The following CFAP299 variants were observed in gnomAD, a reference collection of about 807,000 sequenced individuals.
The protein encoded by CFAP299 is cilia- and flagella-associated protein 299.
In CFAP299, 21 loss-of-function variants were observed where a neutral mutation model predicts 27.0. That is an observed-to-expected ratio of 0.78 (90% confidence interval 0.55 to 1.12). The LOEUF (loss-of-function observed/expected upper bound fraction) is 1.12, where lower values mean the gene tolerates loss of function less well. Ranked by LOEUF, CFAP299 falls within the 50% of genes most tolerant of loss-of-function variation. The pLI is 0.00. For missense variants in CFAP299, 310 were observed against 276.6 expected (o/e 1.12, Z -0.86); for synonymous variants, 104 against 98.1 (o/e 1.06, Z -0.36).
chr4:80,668,311 A>G (rs1488764517), intron 3 of CFAP299, among the ~76,000 whole-genome samples: 2 of 152,046 alleles, frequency 1.3e-5, no homozygotes, highest in African/African-American at 4.8e-5. Context: ...TTAGTTTGAT[A>G]TAATCCTGTT....
In CFAP299 at chr4:80,771,089, C is replaced by T. The variant is rs187157507; in HGVS notation, c.334-98904C>T. ...CAAGGGGAGGGTTATCCTAGGCATG[C>T]GTAACAGGGAGTGGGAGTCATGCGG... On this transcript the variant is annotated intron_variant, in intron 3 of 5. Coordinates refer to ENST00000358105, the MANE Select transcript of CFAP299 (RefSeq NM_152770.3). Among the ~76,000 whole-genome samples, 586 of 152,212 alleles carry T rather than the reference C, an allele frequency of 3.8e-3. 1 individual carries two copies. Among genetic ancestry groups the T allele is most frequent in the African/African-American group, 0.013 (545 of 41,526 alleles).
intron 5 of CFAP299, among the ~76,000 whole-genome samples, chr4:80,957,287 G>A (rs566774695): frequency 5.9e-5 from 9 of 152,264 alleles, no homozygotes; most frequent in African/African-American, 2.2e-4. Flanking sequence ...TCCTTACAGT[G>A]CCATGAATTT....
At chr4:80,438,454 T>G (rs779190562) in intron 2 of CFAP299, among the ~76,000 whole-genome samples, 1 of 152,212 alleles carries the variant, frequency 6.6e-6, no homozygotes, top group Non-Finnish European at 1.5e-5. Flanking sequence ...TCTACCAACA[T>G]GTATGTGCTT....
intron 2 of CFAP299, among the ~76,000 whole-genome samples, chr4:80,366,617 T>C (rs1723848039): frequency 2.6e-5 from 4 of 152,200 alleles, no homozygotes; most frequent in South Asian, 2.1e-4. Flanking sequence ...AGGCATTACA[T>C]TGTTGGTGGG....
chr4:80,798,259 CA>C (rs769459591), intron 3 of CFAP299, among the ~76,000 whole-genome samples: 1 of 152,052 alleles, frequency 6.6e-6, no homozygotes, highest in African/African-American at 2.4e-5. Flanking sequence ...GCAACTCCCT[CA>C]GGGGAGGCCA....
At chr4:80,693,699 TA>T (rs879548224) in intron 3 of CFAP299, among the ~76,000 whole-genome samples, 190 of 142,982 alleles carry the variant, frequency 1.3e-3, no homozygotes, top group Middle Eastern at 7.1e-3. Context: ...AATAATAATT[TA>T]AAAAAAAAAA....
At chr4:80,323,704 A>G in the CFAP299 span, among the ~76,000 whole-genome samples, 1 of 152,224 alleles carries the variant, frequency 6.6e-6, no homozygotes, top group Admixed American at 6.5e-5. Context: ...AATATTTTAT[A>G]AACATAAAAT....
intron 2 of CFAP299, among the ~76,000 whole-genome samples, chr4:80,402,910 G>A (rs1726234717): frequency 6.6e-6 from 1 of 152,156 alleles, no homozygotes; most frequent in African/African-American, 2.4e-5. Flanking sequence ...GGTTTGAAAA[G>A]GATGTCATGA....
At chr4:80,457,942 C>T (rs911981420) in intron 2 of CFAP299, among the ~76,000 whole-genome samples, 1 of 152,136 alleles carries the variant, frequency 6.6e-6, no homozygotes, top group Non-Finnish European at 1.5e-5. Flanking sequence ...TAACTCCCGA[C>T]GTCCATTTCT....
chr4:80,754,968 A>G (rs1339024104), intron 3 of CFAP299, among the ~76,000 whole-genome samples: 4 of 152,116 alleles, frequency 2.6e-5, no homozygotes, highest in Non-Finnish European at 4.4e-5. Flanking sequence ...CCTACTTCCT[A>G]TGTGAGAATA....
At chr4:80,918,784 G>T (rs971368389) in intron 4 of CFAP299, among the ~76,000 whole-genome samples, 5 of 152,220 alleles carry the variant, frequency 3.3e-5, no homozygotes, top group South Asian at 2.1e-4. Flanking sequence ...TGGGAGGGAG[G>T]GAAGAGAGGC....
chr4:80,511,618 T>C (rs1034294091), intron 2 of CFAP299, among the ~76,000 whole-genome samples: 2 of 152,162 alleles, frequency 1.3e-5, no homozygotes, highest in Non-Finnish European at 2.9e-5. Flanking sequence ...ATGAATGTGA[T>C]AATGAAGTTG....
chr4:80,834,876 A>G (rs554574798), intron 3 of CFAP299, among the ~76,000 whole-genome samples: 1 of 152,282 alleles, frequency 6.6e-6, no homozygotes, highest in Admixed American at 6.5e-5. Flanking sequence ...ACAGCATACT[A>G]ACTCCAAATA....
chr4:80,463,561 C>T (rs973810443), intron 2 of CFAP299, among the ~76,000 whole-genome samples: 5 of 152,082 alleles, frequency 3.3e-5, no homozygotes, highest in Admixed American at 6.6e-5. Flanking sequence ...GCATAGACGT[C>T]CAAGTTCATG....
intron 2 of CFAP299, among the ~76,000 whole-genome samples, chr4:80,576,106 G>T (rs1162468586): frequency 6.6e-6 from 1 of 151,124 alleles, no homozygotes; most frequent in Non-Finnish European, 1.5e-5. Flanking sequence ...AATGGGTGCA[G>T]CACACCAACA....
chr4:80,677,697 G>A (rs759324653), intron 3 of CFAP299, among the ~76,000 whole-genome samples: 4 of 151,962 alleles, frequency 2.6e-5, no homozygotes, highest in Non-Finnish European at 5.9e-5. Context: ...TATGAGGAAA[G>A]ATATTCACTA....
At chr4:80,644,905 T>A (rs958515111) in intron 3 of CFAP299, among the ~76,000 whole-genome samples, 2 of 152,304 alleles carry the variant, frequency 1.3e-5, no homozygotes, top group African/African-American at 4.8e-5. Context: ...AGATGCAGGT[T>A]ATTTTTCACC....
intron 4 of CFAP299, among the ~76,000 whole-genome samples, chr4:80,943,640 A>G (rs1324859781): frequency 6.6e-6 from 1 of 152,138 alleles, no homozygotes; most frequent in African/African-American, 2.4e-5. Context: ...TTTATTTTAT[A>G]TTTTATAAGA....
At chr4:80,646,743 C>T (rs1281465683) in intron 3 of CFAP299, among the ~76,000 whole-genome samples, 1 of 152,072 alleles carries the variant, frequency 6.6e-6, no homozygotes, top group Non-Finnish European at 1.5e-5. Flanking sequence ...TCTACCTTCC[C>T]TTATCTCCCT....
Sources: allele counts gnomAD v4.1 joint callset (sites outside exome capture counted in the v4.1 genomes callset), GRCh38; gene constraint gnomAD v4.1.1; transcripts MANE v1.5; gene names NCBI Gene and HGNC (gene_info 2026-07-23, HGNC 2026-07-21).